FLT3: variants seen among roughly 807,000 people sequenced by gnomAD.
The protein encoded by FLT3 is receptor-type tyrosine-protein kinase FLT3.
FLT3 carries 46 observed loss-of-function variants against 126.6 expected under a neutral mutation model. The ratio of observed to expected loss-of-function variants is 0.36; its 90% CI spans 0.29 to 0.46. The LOEUF (loss-of-function observed/expected upper bound fraction) is 0.46, where lower values mean the gene tolerates loss of function less well. Among genes scored for constraint, FLT3 ranks in the 20% least tolerant of loss-of-function variants. The pLI is 1.00. For synonymous variants in FLT3, 404 were observed against 434.4 expected (o/e 0.93, Z 0.87); for missense variants, 1,069 against 1,190.3 (o/e 0.90, Z 1.50).
chr13:28,034,697 G>A lies in FLT3; in HGVS notation c.1598-290C>T, dbSNP rs1249219762. Among the ~76,000 whole-genome samples, 4 of 152,176 alleles carry A rather than the reference G, an allele frequency of 2.6e-5. No homozygotes were observed. In the South Asian group the frequency reaches 6.2e-4, roughly 24 times the overall value. On this transcript the variant is annotated intron_variant, in intron 12 of 23. Transcript: ENST00000241453. ...GGTCCAGGCACGATGGCTCACGCCT[G>A]TAGTCCCAGCACTTTGGGAGGCCAA...
chr13:28,075,467 G>C (rs1877863452), intron 1 of FLT3, among the ~76,000 whole-genome samples: 1 of 152,092 alleles, frequency 6.6e-6, no homozygotes, highest in Admixed American at 6.6e-5. Context: ...GCTCACATCT[G>C]TAATCCCAGC....
chr13:28,033,471 C>G (rs1873538203), intron 15 of FLT3, among the ~76,000 whole-genome samples: 1 of 152,100 alleles, frequency 6.6e-6, no homozygotes, highest in Non-Finnish European at 1.5e-5. Context: ...CCAGATCAGC[C>G]TAGGCAACAT....
intron 1 of FLT3, among the ~76,000 whole-genome samples, chr13:28,084,212 T>G (rs2137814264): frequency 6.6e-6 from 1 of 152,112 alleles, no homozygotes; most frequent in East Asian, 1.9e-4. Context: ...AGGCTGGTCT[T>G]GAACTCCTGG....
chr13:28,091,433 G>C (rs905232566), intron 1 of FLT3, among the ~76,000 whole-genome samples: 1 of 150,200 alleles, frequency 6.7e-6, no homozygotes, highest in Non-Finnish European at 1.5e-5. Context: ...GTGTTAGCCA[G>C]GATGGTCTCG....
At chr13:28,017,009 T>A (rs1871924226) in intron 20 of FLT3, among the ~76,000 whole-genome samples, 1 of 152,114 alleles carries the variant, frequency 6.6e-6, no homozygotes, top group African/African-American at 2.4e-5. Context: ...CACTACAACA[T>A]AGTGGTTAGC....
chr13:28,084,924 G>A (rs1179968785), intron 1 of FLT3, among the ~76,000 whole-genome samples: 46 of 147,530 alleles, frequency 3.1e-4, no homozygotes, highest in Middle Eastern at 3.6e-3. Flanking sequence ...GCAGTGAGCC[G>A]AGATCGCACC....
At position 28,049,618 on chromosome 13, in the gene FLT3, C is replaced by A. The variant is rs1291804639; in HGVS notation, c.882+17G>T. 2.5e-6 allele frequency: 4 copies of A among 1,613,750 alleles called. No homozygotes were observed. In the East Asian group the frequency reaches 8.9e-5, roughly 36 times the overall value. On this transcript the variant is annotated intron_variant, in intron 7 of 23. Transcript: ENST00000241453. ...TAATTGTTCCTGCATTTTCAGAATA[C>A]AAACTTGTCCTATTACCTCCTCGAG... is the stretch of plus-strand genomic sequence containing the variant.
rs1272040499 is a variant in FLT3, at chr13:28,015,272, G to A, written c.2654-16C>T. ...GGATTCACACCTGAGGAAAACATTA[G>A]ACAATTGCAGCCATTCATCCATTTC... On this transcript the variant is annotated splice_polypyrimidine_tract_variant and intron_variant, in intron 21 of 23. Coordinates refer to ENST00000241453, the MANE Select transcript of FLT3 (RefSeq NM_004119.3). The A allele has an allele frequency of 6.9e-7, 1 of 1,456,150 alleles. No individual in the cohort carries two copies. Among genetic ancestry groups the A allele is most frequent in the Non-Finnish European group, 9.6e-7 (1 of 1,037,806 alleles). The allele number at this position is 1,456,150 out of a possible 1,614,324, so 90.2% of individuals were successfully genotyped here.
At chr13:28,073,604 T>C (rs11149513) in intron 1 of FLT3, among the ~76,000 whole-genome samples, 1 of 151,932 alleles carries the variant, frequency 6.6e-6, no homozygotes, top group East Asian at 1.9e-4. Context: ...ATTTAGTAAA[T>C]TCATACATAT....
intron 23 of FLT3, among the ~76,000 whole-genome samples, chr13:28,010,403 T>C (rs1278267124): frequency 2.0e-5 from 3 of 152,126 alleles, no homozygotes; most frequent in Admixed American, 6.5e-5. Context: ...CAGCTGAAAG[T>C]GTTAATGAGA....
intron 6 of FLT3, 130 bp downstream of exon 6, chr13:28,049,965 C>T (rs1875285608): frequency 1.7e-6 from 2 of 1,190,242 alleles, no homozygotes; most frequent in Non-Finnish European, 2.4e-6. Flanking sequence ...CATAATATTG[C>T]ATTTACTGTG....
chr13:28,076,094 G>A (rs1877907988), intron 1 of FLT3, among the ~76,000 whole-genome samples: 1 of 152,048 alleles, frequency 6.6e-6, no homozygotes, highest in South Asian at 2.1e-4. Context: ...ACTGCACATG[G>A]CCCTTCATAG....
intron 23 of FLT3, among the ~76,000 whole-genome samples, chr13:28,011,809 C>CT (rs1566055255): frequency 9.6e-6 from 1 of 103,732 alleles, no homozygotes; most frequent in Non-Finnish European, 2.2e-5. Context: ...CTTTCTTTTT[C>CT]TTTTTTGAGA....
intron 1 of FLT3, among the ~76,000 whole-genome samples, chr13:28,090,782 G>GC (rs1024869984): frequency 6.6e-6 from 1 of 151,998 alleles, no homozygotes; most frequent in Non-Finnish European, 1.5e-5. Context: ...GTCCGCCCCT[G>GC]CCCCCTCAAC....
intron 3 of FLT3, among the ~76,000 whole-genome samples, chr13:28,057,727 A>G (rs1051413577): frequency 1.3e-5 from 2 of 152,040 alleles, no homozygotes; most frequent in Non-Finnish European, 2.9e-5. Flanking sequence ...AGCTTCTAGG[A>G]TCGAAAACTC....
At position 28,010,739 on chromosome 13, in the gene FLT3, G is replaced by A. The variant is rs538720580; in HGVS notation, c.2859+3713C>T. On this transcript the variant is annotated intron_variant, in intron 23 of 23. Coordinates refer to ENST00000241453, the MANE Select transcript of FLT3 (RefSeq NM_004119.3). ...ACAAAGATTCTGGCCGGGCATGGTG[G>A]CTCATGCCTGTAATCCCCCCACCTT... 3.7e-3 allele frequency among the ~76,000 whole-genome samples: 571 copies of A among 152,294 alleles called. 3 individuals are homozygous for A. The highest frequency in any genetic ancestry group is 6.8e-3 in the Middle Eastern group (2 of 292).
At chr13:28,072,388 G>A (rs376187465) in intron 1 of FLT3, among the ~76,000 whole-genome samples, 2 of 149,992 alleles carry the variant, frequency 1.3e-5, no homozygotes, top group Non-Finnish European at 3.0e-5. Flanking sequence ...ACTCTCTCTC[G>A]CTCTCTCTCT....
rs1372433663 is a variant in FLT3, at chr13:28,029,187, T to C, written c.1943-899A>G. Among the ~76,000 whole-genome samples, 4 of 152,186 alleles carry C rather than the reference T, an allele frequency of 2.6e-5. No individual in the cohort carries two copies. The East Asian group carries it at 7.8e-4, about 30-fold the overall frequency. On this transcript the variant is annotated intron_variant, in intron 15 of 23. Transcript: ENST00000241453. ...GGGTGGATCACTTAAGGTCAGGAGT[T>C]GAAGACCAACCTGGCCAACATGGTG... is the stretch of plus-strand genomic sequence containing the variant.
At chr13:28,031,465 C>T (rs1873338731) in intron 15 of FLT3, among the ~76,000 whole-genome samples, 1 of 152,128 alleles carries the variant, frequency 6.6e-6, no homozygotes, top group Non-Finnish European at 1.5e-5. Flanking sequence ...ACCACAGACA[C>T]AGACCCTGCC....
Sources: allele counts gnomAD v4.1 joint callset (sites outside exome capture counted in the v4.1 genomes callset), GRCh38; gene constraint gnomAD v4.1.1; transcripts MANE v1.5; gene names NCBI Gene and HGNC (gene_info 2026-07-23, HGNC 2026-07-21).